Variants in GRIK1 observed in about 807,000 individuals in gnomAD.
GRIK1 encodes glutamate ionotropic receptor kainate type subunit 1, also known as glutamate receptor ionotropic, kainate 1.
In GRIK1, 69 loss-of-function variants were observed where a neutral mutation model predicts 105.7. The observed-to-expected ratio is 0.65, with a 90% CI of 0.54 to 0.80. The LOEUF is 0.80. Among genes scored for constraint, GRIK1 ranks in the 30% least tolerant of loss-of-function variants. GRIK1 has a pLI of 0.00. For synonymous variants in GRIK1, 438 were observed against 431.3 expected, an observed-to-expected ratio of 1.02 and a Z score of -0.19; for missense variants, 1,109 against 1,167.3, an observed-to-expected ratio of 0.95 and a Z score of 0.73.
intron 1 of GRIK1, among the ~76,000 whole-genome samples, chr21:29,782,604 G>T (rs539364815): frequency 6.6e-6 from 1 of 152,158 alleles, no homozygotes; most frequent in South Asian, 2.1e-4. Flanking sequence ...CAGAGAGACA[G>T]GGGCCTGGAT....
chr21:29,666,005 C>T (rs1388714471), intron 4 of GRIK1, among the ~76,000 whole-genome samples: 2 of 152,196 alleles, frequency 1.3e-5, no homozygotes, highest in Non-Finnish European at 2.9e-5. Flanking sequence ...GCAAATGGGT[C>T]TCCCAACTTT....
intron 1 of GRIK1, among the ~76,000 whole-genome samples, chr21:29,819,565 T>C (rs1030006683): frequency 8.5e-5 from 13 of 152,162 alleles, no homozygotes; most frequent in Admixed American, 7.9e-4. Flanking sequence ...AAGTTCACTG[T>C]TGAGGTTATT....
chr21:29,699,789 C>T (rs1395322248), intron 1 of GRIK1, among the ~76,000 whole-genome samples: 1 of 151,964 alleles, frequency 6.6e-6, no homozygotes, highest in Non-Finnish European at 1.5e-5. Flanking sequence ...GCTGGGATTA[C>T]AGGCAAGCAC....
intron 3 of GRIK1, among the ~76,000 whole-genome samples, chr21:29,684,960 C>T (rs1253131781): frequency 6.6e-6 from 1 of 152,110 alleles, no homozygotes; most frequent in Admixed American, 6.5e-5. Context: ...TATCATCTAC[C>T]TATCATGATC....
intron 1 of GRIK1, among the ~76,000 whole-genome samples, chr21:29,828,659 A>G (rs1035700666): frequency 1.3e-5 from 2 of 151,888 alleles, no homozygotes; most frequent in Non-Finnish European, 2.9e-5. Flanking sequence ...ACACTACCAC[A>G]CCCAGCTAAT....
At chr21:29,848,945 GTTTC>G (rs1468251198) in intron 1 of GRIK1, among the ~76,000 whole-genome samples, 1 of 151,544 alleles carries the variant, frequency 6.6e-6, no homozygotes, top group East Asian at 1.9e-4. Flanking sequence ...CATGCCAAAT[GTTTC>G]TTTATCATAA....
chr21:29,757,002 AG>A (rs1174534073), intron 1 of GRIK1, among the ~76,000 whole-genome samples: 2 of 152,140 alleles, frequency 1.3e-5, no homozygotes, highest in Non-Finnish European at 2.9e-5. Flanking sequence ...CTGTAATCCC[AG>A]CTACTTGGAA....
intron 1 of GRIK1, among the ~76,000 whole-genome samples, chr21:29,732,345 C>A (rs2064653795): frequency 6.6e-6 from 1 of 152,192 alleles, no homozygotes; most frequent in African/African-American, 2.4e-5. Flanking sequence ...GATAATGGCA[C>A]ACATTATCCA....
At chr21:29,547,145 G>C (rs1276344105) in intron 16 of GRIK1, among the ~76,000 whole-genome samples, 1 of 152,160 alleles carries the variant, frequency 6.6e-6, no homozygotes, top group East Asian at 1.9e-4. Context: ...GGCTCATTAA[G>C]GTCAAGAACA....
intron 1 of GRIK1, among the ~76,000 whole-genome samples, chr21:29,746,001 G>C (rs1160126874): frequency 6.6e-6 from 1 of 152,146 alleles, no homozygotes; most frequent in Non-Finnish European, 1.5e-5. Flanking sequence ...CTACTCGGGA[G>C]GCTGAGGCAG....
intron 1 of GRIK1, among the ~76,000 whole-genome samples, chr21:29,815,137 G>A (rs1042455805): frequency 3.6e-4 from 54 of 150,064 alleles, no homozygotes; most frequent in African/African-American, 9.5e-4. Context: ...TAAAGTCAAT[G>A]CACTTTTTTG....
At chr21:29,781,650 A>G (rs1239413412) in intron 1 of GRIK1, among the ~76,000 whole-genome samples, 2 of 119,116 alleles carry the variant, frequency 1.7e-5, no homozygotes, top group Non-Finnish European at 3.5e-5. Flanking sequence ...CACCTAACCT[A>G]CTGTTTCTTT....
intron 1 of GRIK1, among the ~76,000 whole-genome samples, chr21:29,866,953 A>T (rs1489042331): frequency 1.3e-5 from 2 of 152,186 alleles, no homozygotes; most frequent in Non-Finnish European, 2.9e-5. Flanking sequence ...TGTCTAATTC[A>T]TTCAGCATGT....
intron 7 of GRIK1, among the ~76,000 whole-genome samples, chr21:29,635,765 G>C (rs1409219103): frequency 6.6e-6 from 1 of 152,156 alleles, no homozygotes; most frequent in Non-Finnish European, 1.5e-5. Context: ...AATGTCCTGG[G>C]TTATAGTCAA....
intron 4 of GRIK1, among the ~76,000 whole-genome samples, chr21:29,663,771 A>C (rs986967200): frequency 4.6e-5 from 7 of 152,168 alleles, no homozygotes; most frequent in Admixed American, 2.6e-4. Flanking sequence ...TTAATGCAAC[A>C]TCCAGGGTGG....
chr21:29,700,800 T>C (rs1421862268), intron 1 of GRIK1, among the ~76,000 whole-genome samples: 1 of 152,126 alleles, frequency 6.6e-6, no homozygotes, highest in Non-Finnish European at 1.5e-5. Context: ...GCTGAGAGAT[T>C]AGTGAAAGTA....
intron 5 of GRIK1, 124 bp from the exon 6 acceptor site, chr21:29,651,415 TC>T (rs2146559778): frequency 1.5e-6 from 1 of 674,244 alleles, no homozygotes; most frequent in South Asian, 2.4e-5. Flanking sequence ...GTTTTGTGGT[TC>T]ATGGTTTCAG....
chr21:29,664,499 T>C (rs1488464156), intron 4 of GRIK1, among the ~76,000 whole-genome samples: 12 of 152,142 alleles, frequency 7.9e-5, no homozygotes, highest in Admixed American at 6.6e-4. Context: ...TGGAAAATAA[T>C]GAATCACCTG....
chr21:29,813,319 G>T (rs2067062379), intron 1 of GRIK1, among the ~76,000 whole-genome samples: 1 of 152,046 alleles, frequency 6.6e-6, no homozygotes, highest in African/African-American at 2.4e-5. Flanking sequence ...GGGAGCATTT[G>T]GCACTTTACC....
Sources: gnomAD v4.1 joint callset for allele counts (sites outside exome capture counted in the v4.1 genomes callset) on GRCh38, gnomAD v4.1.1 for gene constraint, MANE v1.5 for transcripts, NCBI Gene and HGNC (gene_info 2026-07-23, HGNC 2026-07-21) for gene names.